CSMD1: variants seen among roughly 807,000 people sequenced by gnomAD.
CSMD1 encodes the protein CUB and Sushi multiple domains 1.
CSMD1 carries 213 observed loss-of-function variants against 417.5 expected under a neutral mutation model. The observed-to-expected ratio is 0.51, with a 90% CI of 0.46 to 0.57. The LOEUF (loss-of-function observed/expected upper bound fraction) is 0.57. Ranked by LOEUF, CSMD1 falls within the 20% of genes least tolerant of loss-of-function variation. The probability of loss-of-function intolerance (pLI) is 0.00; values close to 1 mark genes in which losing one functional copy is unlikely to be tolerated. For missense variants in CSMD1, 6,923 were observed against 4,529.7 expected (o/e 1.53, Z -15.17); for synonymous variants, 2,862 against 1,736.8 (o/e 1.65, Z -16.11).
At chr8:3,904,910 T>A (rs1334977829) in intron 5 of CSMD1, among the ~76,000 whole-genome samples, 1 of 152,176 alleles carries the variant, frequency 6.6e-6, no homozygotes, top group East Asian at 1.9e-4. Flanking sequence ...GGGCTGAGAT[T>A]ACAGGTGTGA....
chr8:4,374,505 T>G (rs1417983885), intron 3 of CSMD1, among the ~76,000 whole-genome samples: 1 of 152,040 alleles, frequency 6.6e-6, no homozygotes, highest in Non-Finnish European at 1.5e-5. Context: ...GAGGAGAGAA[T>G]GCCCACAGCA....
At chr8:4,223,147 G>A (rs1801140618) in intron 3 of CSMD1, among the ~76,000 whole-genome samples, 1 of 151,810 alleles carries the variant, frequency 6.6e-6, no homozygotes, top group South Asian at 2.1e-4. Flanking sequence ...GGGGAAAGGA[G>A]GGCAACGCCA....
chr8:3,261,676 T>C (rs1247589044), intron 26 of CSMD1, among the ~76,000 whole-genome samples: 1 of 152,042 alleles, frequency 6.6e-6, no homozygotes, highest in African/African-American at 2.4e-5. Context: ...TAAAGGAATA[T>C]GCCCTGGATT....
At chr8:3,145,421 C>T (rs1818782870) in intron 40 of CSMD1, among the ~76,000 whole-genome samples, 1 of 152,056 alleles carries the variant, frequency 6.6e-6, no homozygotes, top group Non-Finnish European at 1.5e-5. Context: ...TAACAACTTG[C>T]AAGGGGATCA....
intron 36 of CSMD1, among the ~76,000 whole-genome samples, chr8:3,182,127 G>C (rs1219645754): frequency 6.6e-6 from 1 of 152,164 alleles, no homozygotes; most frequent in Non-Finnish European, 1.5e-5. Context: ...AGGGAGAAAT[G>C]ATAATTTAAA....
At chr8:3,283,240 G>A (rs1802874712) in intron 26 of CSMD1, among the ~76,000 whole-genome samples, 1 of 152,064 alleles carries the variant, frequency 6.6e-6, no homozygotes, top group Non-Finnish European at 1.5e-5. Flanking sequence ...GAGAATCAAA[G>A]CGTGTTTGAT....
intron 3 of CSMD1, among the ~76,000 whole-genome samples, chr8:4,376,719 AT>A (rs1802770521): frequency 6.6e-6 from 1 of 152,200 alleles, no homozygotes. Flanking sequence ...AACTGATTGC[AT>A]TTTAACTTGC....
At chr8:2,988,891 T>G (rs1806150776) in intron 54 of CSMD1, among the ~76,000 whole-genome samples, 1 of 152,162 alleles carries the variant, frequency 6.6e-6, no homozygotes, top group African/African-American at 2.4e-5. Context: ...TGTAGAAATC[T>G]GTGTCTAATT....
At chr8:2,953,205 A>AT (rs1802754391) in intron 65 of CSMD1, among the ~76,000 whole-genome samples, 1 of 152,186 alleles carries the variant, frequency 6.6e-6, no homozygotes, top group African/African-American at 2.4e-5. Flanking sequence ...TCTGTATGTG[A>AT]TTTTTAGGTA....
At chr8:3,354,375 G>C (rs989446488) in intron 21 of CSMD1, among the ~76,000 whole-genome samples, 1 of 152,080 alleles carries the variant, frequency 6.6e-6, no homozygotes, top group Non-Finnish European at 1.5e-5. Context: ...GTGAAATTGG[G>C]AAAACTATTA....
chr8:3,958,839 G>T (rs892730431), intron 5 of CSMD1, among the ~76,000 whole-genome samples: 1 of 152,200 alleles, frequency 6.6e-6, no homozygotes, highest in Non-Finnish European at 1.5e-5. Flanking sequence ...AGGAAATTGT[G>T]TAGTAGGTGA....
chr8:3,538,392 G>A (rs1798293425), intron 10 of CSMD1, among the ~76,000 whole-genome samples: 1 of 151,684 alleles, frequency 6.6e-6, no homozygotes, highest in African/African-American at 2.4e-5. Context: ...CTGGGCTGGT[G>A]CACCTGAGAT....
chr8:4,692,537 G>A (rs1381838188), intron 1 of CSMD1, among the ~76,000 whole-genome samples: 1 of 152,060 alleles, frequency 6.6e-6, no homozygotes, highest in African/African-American at 2.4e-5. Flanking sequence ...AAGGAACAAG[G>A]AGCAGCCACA....
intron 33 of CSMD1, among the ~76,000 whole-genome samples, chr8:3,198,152 C>T (rs1013524207): frequency 6.6e-6 from 1 of 152,086 alleles, no homozygotes; most frequent in African/African-American, 2.4e-5. Context: ...TACATGCCTA[C>T]CAAGGACAAC....
At chr8:3,325,790 C>G (rs1463334669) in intron 23 of CSMD1, among the ~76,000 whole-genome samples, 2 of 152,142 alleles carry the variant, frequency 1.3e-5, no homozygotes, top group African/African-American at 4.8e-5. Context: ...TACCACTGCA[C>G]TCCAGCCTGG....
chr8:3,597,135 T>C (rs118055341), intron 8 of CSMD1, among the ~76,000 whole-genome samples: 307 of 152,242 alleles, frequency 2.0e-3, no homozygotes, highest in African/African-American at 6.7e-3. Context: ...AGCAGACATA[T>C]GGGATGCCCA....
At chr8:4,704,964 T>G (rs973183247) in intron 1 of CSMD1, among the ~76,000 whole-genome samples, 1 of 152,218 alleles carries the variant, frequency 6.6e-6, no homozygotes, top group African/African-American at 2.4e-5. Context: ...TGTCCAAATC[T>G]AACTTCCAAT....
chr8:3,930,998 G>C (rs1810099317), intron 5 of CSMD1, among the ~76,000 whole-genome samples: 4 of 150,382 alleles, frequency 2.7e-5, no homozygotes, highest in Admixed American at 1.3e-4. Flanking sequence ...TTATTTAAAG[G>C]TGTTAACTAG....
intron 3 of CSMD1, among the ~76,000 whole-genome samples, chr8:4,055,048 A>G (rs1798620207): frequency 1.3e-5 from 2 of 152,206 alleles, no homozygotes; most frequent in South Asian, 2.1e-4. Context: ...ACATGAATAT[A>G]CTATATTCAA....
Sources: gnomAD v4.1 joint callset for allele counts (sites outside exome capture counted in the v4.1 genomes callset) on GRCh38, gnomAD v4.1.1 for gene constraint, MANE v1.5 for transcripts, NCBI Gene and HGNC (gene_info 2026-07-23, HGNC 2026-07-21) for gene names.